Variants in USP37 observed in about 807,000 individuals in gnomAD.
The protein encoded by USP37 is ubiquitin specific peptidase 37, also known as ubiquitin carboxyl-terminal hydrolase 37.
USP37 carries 27 observed loss-of-function variants against 124.0 expected under a neutral mutation model. The ratio of observed to expected loss-of-function variants is 0.22; its 90% CI spans 0.16 to 0.30. The LOEUF (loss-of-function observed/expected upper bound fraction) is 0.30. USP37 is among the 10% of genes least tolerant of loss of function. USP37 has a pLI of 1.00. For missense variants in USP37, 889 were observed against 1,140.4 expected (o/e 0.78, Z 3.17); for synonymous variants, 365 against 388.0 (o/e 0.94, Z 0.70).
chr2:218,540,300 C>A (rs1219051078), intron 8 of USP37, among the ~76,000 whole-genome samples: 1 of 152,100 alleles, frequency 6.6e-6, no homozygotes, highest in Non-Finnish European at 1.5e-5. Flanking sequence ...AATGGGACAG[C>A]TCAAGGTTTC....
chr2:218,526,937 C>T (rs533614210), intron 10 of USP37, among the ~76,000 whole-genome samples: 14 of 151,632 alleles, frequency 9.2e-5, no homozygotes, highest in South Asian at 8.3e-4. Context: ...TACAGGCGCC[C>T]GCCACCACGC....
chr2:218,458,092 A>AAT (rs1689796385), intron 23 of USP37, among the ~76,000 whole-genome samples: 1 of 151,032 alleles, frequency 6.6e-6, no homozygotes, highest in Admixed American at 6.6e-5. Context: ...TGGGGGAAGG[A>AAT]ATATGGCTAT....
chr2:218,468,140 C>A (rs550502553), intron 20 of USP37, among the ~76,000 whole-genome samples: 1 of 148,496 alleles, frequency 6.7e-6, no homozygotes, highest in Non-Finnish European at 1.5e-5. Context: ...CCGCCCACCT[C>A]GGCCTCCCAA....
chr2:218,555,008 T>G (rs879770340), intron 4 of USP37, among the ~76,000 whole-genome samples: 4 of 152,194 alleles, frequency 2.6e-5, no homozygotes, highest in Non-Finnish European at 5.9e-5. Context: ...ACTCTTAACT[T>G]ACTTCTCTCT....
At chr2:218,460,363 T>C (rs1266178472) in intron 22 of USP37, among the ~76,000 whole-genome samples, 1 of 152,046 alleles carries the variant, frequency 6.6e-6, no homozygotes, top group Non-Finnish European at 1.5e-5. Context: ...AAACGTAATA[T>C]GACGGTCCAA....
At chr2:218,505,741 G>C (rs1442116809) in intron 11 of USP37, among the ~76,000 whole-genome samples, 1 of 152,134 alleles carries the variant, frequency 6.6e-6, no homozygotes, top group Non-Finnish European at 1.5e-5. Context: ...AAGTCTAATA[G>C]TTGTACTAAG....
At chr2:218,460,501 A>AT (rs1689958542) in intron 22 of USP37, among the ~76,000 whole-genome samples, 1 of 152,206 alleles carries the variant, frequency 6.6e-6, no homozygotes, top group Non-Finnish European at 1.5e-5. Context: ...ACTAGAAAAT[A>AT]ATTTTACATA....
chr2:218,519,700 G>C (rs1690492565), intron 10 of USP37, among the ~76,000 whole-genome samples: 1 of 151,586 alleles, frequency 6.6e-6, no homozygotes, highest in Admixed American at 6.6e-5. Flanking sequence ...AGTAGTGGCG[G>C]GATCTTGGCT....
intron 18 of USP37, 152 bp from the exon 19 acceptor site, chr2:218,477,133 C>CT: frequency 1.1e-6 from 1 of 891,976 alleles, no homozygotes; most frequent in Non-Finnish European, 1.6e-6. Flanking sequence ...TCAGCATTAC[C>CT]TTTGCCCCAC....
chr2:218,544,191 A>G (rs1574948554), intron 8 of USP37, among the ~76,000 whole-genome samples: 1 of 151,418 alleles, frequency 6.6e-6, no homozygotes, highest in Admixed American at 6.6e-5. Flanking sequence ...ACCAGCCTGG[A>G]CAACATGGTG....
At chr2:218,546,364 CA>C (rs1179153524) in intron 7 of USP37, 66 bp from the exon 8 acceptor site, 9 of 1,132,048 alleles carry the variant, frequency 8.0e-6, no homozygotes, top group Non-Finnish European at 1.2e-5. Context: ...ATTCATAAAT[CA>C]ACATACTGAA....
chr2:218,461,265 T>G (rs1397689491), intron 22 of USP37, among the ~76,000 whole-genome samples: 1 of 152,138 alleles, frequency 6.6e-6, no homozygotes, highest in African/African-American at 2.4e-5. Context: ...CCCAGCACTT[T>G]GGGAGGCCGA....
At chr2:218,548,587 C>A (rs1228040893) in intron 6 of USP37, among the ~76,000 whole-genome samples, 1 of 152,136 alleles carries the variant, frequency 6.6e-6, no homozygotes, top group Non-Finnish European at 1.5e-5. Flanking sequence ...AAGGAATCTG[C>A]CCACCTCAGC....
At chr2:218,544,424 T>TAGAGAGAG (rs763870747) in intron 8 of USP37, among the ~76,000 whole-genome samples, 151 of 57,148 alleles carry the variant, frequency 2.6e-3, no homozygotes, top group East Asian at 0.02. Flanking sequence ...TATATATATA[T>TAGAGAGAG]ATATATAGAG....
chr2:218,476,564 T>C (rs1690994588), intron 19 of USP37, among the ~76,000 whole-genome samples: 1 of 152,144 alleles, frequency 6.6e-6, no homozygotes, highest in African/African-American at 2.4e-5. Context: ...AACAGAGCGA[T>C]ACCCTGTCTT....
At chr2:218,467,084 T>C (rs1690369138) in intron 20 of USP37, among the ~76,000 whole-genome samples, 1 of 152,070 alleles carries the variant, frequency 6.6e-6, no homozygotes, top group South Asian at 2.1e-4. Context: ...ACATTAATAA[T>C]CAAACAAGCA....
intron 20 of USP37, among the ~76,000 whole-genome samples, chr2:218,467,380 G>A (rs985840155): frequency 5.3e-5 from 8 of 150,002 alleles, no homozygotes; most frequent in African/African-American, 2.0e-4. Flanking sequence ...ATGGAGTTTC[G>A]CTCTGTTGCT....
chr2:218,530,228 G>GT (rs201379582), intron 9 of USP37, among the ~76,000 whole-genome samples, 188 bp from the exon 10 acceptor site: 132 of 150,986 alleles, frequency 8.7e-4, no homozygotes, highest in East Asian at 1.8e-3. Context: ...TTTTTTGTAT[G>GT]TTTTTTTTTA....
intron 9 of USP37, among the ~76,000 whole-genome samples, chr2:218,533,554 T>G (rs1691454352): frequency 6.6e-6 from 1 of 152,206 alleles, no homozygotes; most frequent in African/African-American, 2.4e-5. Context: ...ACAGCTTATG[T>G]TTTCTGTTTT....
Sources: allele counts gnomAD v4.1 joint callset (sites outside exome capture counted in the v4.1 genomes callset), GRCh38; gene constraint gnomAD v4.1.1; transcripts MANE v1.5; gene names NCBI Gene and HGNC (gene_info 2026-07-23, HGNC 2026-07-21).